EVI5: variants seen among roughly 807,000 people sequenced by gnomAD.
EVI5 encodes the protein ecotropic viral integration site 5 protein homolog.
Under a neutral mutation model 112.0 loss-of-function variants are expected in EVI5, and 73 were observed. That is an observed-to-expected ratio of 0.65 (90% CI 0.54 to 0.79). The LOEUF (loss-of-function observed/expected upper bound fraction) is 0.79, where lower values mean the gene tolerates loss of function less well. Ranked by LOEUF, EVI5 falls within the 30% of genes least tolerant of loss-of-function variation. EVI5 has a pLI of 0.00. For missense variants in EVI5, 900 were observed against 968.8 expected (o/e 0.93, Z 0.94); for synonymous variants, 305 against 319.9 (o/e 0.95, Z 0.50).
At chr1:92,668,865 T>A (rs1375422114) in intron 10 of EVI5, among the ~76,000 whole-genome samples, 2 of 152,222 alleles carry the variant, frequency 1.3e-5, no homozygotes, top group Non-Finnish European at 2.9e-5. Flanking sequence ...TAATACCTAG[T>A]AGAGCTAATA....
rs1666666332 is a variant in EVI5 at position 92,675,935 on chromosome 1, G to A, written c.1158+1223C>T. 3.6e-5 allele frequency among the ~76,000 whole-genome samples: 5 copies of A among 137,534 alleles called. No homozygotes were observed. In the South Asian group the frequency reaches 1.1e-3, roughly 31 times the overall value. The allele number at this position is 137,534 out of a possible 152,430, so 90.2% of individuals were successfully genotyped here. A position where few individuals can be genotyped will look rare whatever the true frequency, so the allele number is the denominator to read the frequency against. On this transcript the variant is annotated intron_variant, in intron 10 of 19. Coordinates refer to ENST00000684568, the MANE Select transcript of EVI5 (RefSeq NM_001350197.2). ...CGCACCACTGCACTCCAGCCTGGGC[G>A]ATACAGCGAGACTTCGTCTCAAAAA...
rs1049382759 is a variant in EVI5, at chr1:92,785,107, C to G, written c.-353G>C. 2.0e-6 allele frequency: 2 copies of G among 985,330 alleles called. No individual in the cohort carries two copies. Among genetic ancestry groups the G allele is most frequent in the Non-Finnish European group, 2.4e-6 (2 of 829,984 alleles). The allele number at this position is 985,330 out of a possible 1,614,324, so 61.0% of individuals were successfully genotyped here. A position where few individuals can be genotyped will look rare whatever the true frequency, so the allele number is the denominator to read the frequency against. ...TCCGGCCCGGCCGCGTCAGGAGAGCCCAAGGCGCAGGCGCGGGAGGGCCTT... is the reference window on the plus strand; with the variant it reads ...TCCGGCCCGGCCGCGTCAGGAGAGCGCAAGGCGCAGGCGCGGGAGGGCCTT... On this transcript the variant is annotated 5_prime_UTR_variant, in exon 1 of 20. Coordinates refer to ENST00000684568, the MANE Select transcript of EVI5 (RefSeq NM_001350197.2).
chr1:92,634,446 T>C lies in EVI5; in HGVS notation c.1527+1756A>G, dbSNP rs369453680. ...CATTCATTTGATATTCCATCGCTGA[T>C]ACCCTTTCTTCCACTTGATCGAATC... On this transcript the variant is annotated intron_variant, in intron 14 of 19. Coordinates refer to ENST00000684568, the MANE Select transcript of EVI5 (RefSeq NM_001350197.2). Among the ~76,000 whole-genome samples the C allele has an allele frequency of 3.9e-5, 6 of 152,314 alleles. No homozygotes were observed. The East Asian group carries it at 1.2e-3, about 29-fold the overall frequency.
intron 1 of EVI5, among the ~76,000 whole-genome samples, chr1:92,770,428 C>G (rs957848649): frequency 7.2e-5 from 11 of 152,148 alleles, no homozygotes; most frequent in African/African-American, 2.2e-4. Context: ...GTGTACGTTT[C>G]TCTAGGATTT....
chr1:92,515,661 G>T (rs1293380666), intron 19 of EVI5, among the ~76,000 whole-genome samples: 1 of 152,144 alleles, frequency 6.6e-6, no homozygotes, highest in East Asian at 1.9e-4. Context: ...CAAACTCCTA[G>T]TCACAATCTT....
Position 92,513,787 on chromosome 1 carries a change from A to T in EVI5, c.2350T>A (p.Leu784Met). 6.2e-7 allele frequency: 1 copy of T among 1,613,714 alleles called. No homozygotes were observed. The highest frequency in any genetic ancestry group is 8.5e-7 in the Non-Finnish European group (1 of 1,179,888). ...PLHGKSGSMS[L>M]DPAVADGSES... ...CTACCATCTGCCACTGCGGGGTCCA[A>T]AGACATCGAACCAGATTTTCCGTGC... Residue 784 changes from leucine to methionine, a missense_variant, in exon 20 of 20, where the codon TTG becomes ATG. Coordinates refer to ENST00000684568, the MANE Select transcript of EVI5 (RefSeq NM_001350197.2).
At chr1:92,647,685 G>A in intron 13 of EVI5, 1 of 290,814 alleles carries the variant, frequency 3.4e-6, no homozygotes, top group Non-Finnish European at 6.9e-6. Flanking sequence ...CTAGCAAGAG[G>A]GAAGGTGAAG....
intron 19 of EVI5, among the ~76,000 whole-genome samples, chr1:92,559,203 G>A (rs899429220): frequency 6.6e-6 from 1 of 152,132 alleles, no homozygotes; most frequent in African/African-American, 2.4e-5. Flanking sequence ...AAAATTTGTA[G>A]ATGTTCAGTA....
In EVI5 at chr1:92,736,607, T is replaced by C; in HGVS notation, c.-61A>G. On this transcript the variant is annotated 5_prime_UTR_variant, in exon 2 of 20. Transcript: ENST00000684568. ...ATGAGAGAGTAGAGCTCAGCTTTTC[T>C]GCAACTTTGTCTGTCGCCACCTAAG... 1 of 1,613,862 alleles carries C rather than the reference T, an allele frequency of 6.2e-7. No individual in the cohort carries two copies.
At chr1:92,521,869 T>C (rs2101730089) in intron 19 of EVI5, among the ~76,000 whole-genome samples, 1 of 152,302 alleles carries the variant, frequency 6.6e-6, no homozygotes, top group African/African-American at 2.4e-5. Context: ...TATTATTTAC[T>C]ACACAAACTA....
intron 18 of EVI5, among the ~76,000 whole-genome samples, chr1:92,596,942 T>G (rs1487777617): frequency 6.6e-6 from 1 of 152,152 alleles, no homozygotes; most frequent in Non-Finnish European, 1.5e-5. Flanking sequence ...CTACGAGCTG[T>G]TTTTCCGGAT....
At chr1:92,586,029 T>C (rs563219832) in intron 18 of EVI5, among the ~76,000 whole-genome samples, 16 of 152,308 alleles carry the variant, frequency 1.1e-4, no homozygotes, top group African/African-American at 3.8e-4. Context: ...AAGGGGAATC[T>C]GTCTGATAGT....
chr1:92,718,807 T>TA (rs1674229892), intron 2 of EVI5, among the ~76,000 whole-genome samples: 1 of 151,548 alleles, frequency 6.6e-6, no homozygotes, highest in South Asian at 2.1e-4. Flanking sequence ...GCAAGATTAA[T>TA]AAAGAAGAAA....
At position 92,636,188 on chromosome 1, in the gene EVI5, T is replaced by G; in HGVS notation, c.1527+14A>C. The G allele has an allele frequency of 1.2e-6, 2 of 1,604,398 alleles. No homozygotes were observed. Among genetic ancestry groups the G allele is most frequent in the Non-Finnish European group, 1.7e-6 (2 of 1,175,060 alleles). On this transcript the variant is annotated intron_variant, in intron 14 of 19. Transcript: ENST00000684568. ...TCTAATTTGGGAATGACTGCATTTGTGTAGGTTTCTTACCTTCTCTATATC... is the reference window on the plus strand; with the variant it reads ...TCTAATTTGGGAATGACTGCATTTGGGTAGGTTTCTTACCTTCTCTATATC...
chr1:92,719,898 C>A (rs1004207821), intron 2 of EVI5, among the ~76,000 whole-genome samples: 1 of 151,926 alleles, frequency 6.6e-6, no homozygotes, highest in African/African-American at 2.4e-5. Context: ...AACAGACAGC[C>A]AAATTATGAG....
At chr1:92,770,475 ATAC>A (rs1484102124) in intron 1 of EVI5, among the ~76,000 whole-genome samples, 2 of 152,216 alleles carry the variant, frequency 1.3e-5, no homozygotes, top group African/African-American at 4.8e-5. Flanking sequence ...AAGTAACATA[ATAC>A]TACAAGTTTT....
chr1:92,596,251 C>T (rs192478937), intron 18 of EVI5, among the ~76,000 whole-genome samples: 66 of 152,242 alleles, frequency 4.3e-4, no homozygotes, highest in Admixed American at 2.6e-3. Context: ...GTCCCAGCTA[C>T]TTGGAGGCTC....
At chr1:92,791,331 C>T (rs1378473797) in intron 1 of EVI5, among the ~76,000 whole-genome samples, 2 of 152,292 alleles carry the variant, frequency 1.3e-5, no homozygotes, top group East Asian at 3.9e-4. Flanking sequence ...TTGCCAAAAA[C>T]GTGATCAACC....
intron 19 of EVI5, among the ~76,000 whole-genome samples, chr1:92,557,148 T>C (rs1210768395): frequency 6.6e-6 from 1 of 152,226 alleles, no homozygotes; most frequent in Non-Finnish European, 1.5e-5. Context: ...TTCTGGGTAG[T>C]AGAAACCAAT....
Sources: gnomAD v4.1 joint callset for allele counts (sites outside exome capture counted in the v4.1 genomes callset) on GRCh38, gnomAD v4.1.1 for gene constraint, MANE v1.5 for transcripts, NCBI Gene and HGNC (gene_info 2026-07-23, HGNC 2026-07-21) for gene names.